Variants in FHIT observed in about 807,000 individuals in gnomAD.
FHIT encodes the protein bis(5'-adenosyl)-triphosphatase.
FHIT carries 19 observed loss-of-function variants against 17.9 expected under a neutral mutation model. The ratio of observed to expected loss-of-function variants is 1.06; its 90% CI spans 0.74 to 1.56. The LOEUF is 1.56. FHIT is among the 40% of genes most tolerant of loss of function. The probability of loss-of-function intolerance (pLI) is 0.00; values close to 1 mark genes in which losing one functional copy is unlikely to be tolerated. For synonymous variants in FHIT, 81 were observed against 69.7 expected (o/e 1.16, Z -0.81); for missense variants, 248 against 189.2 (o/e 1.31, Z -1.82).
At chr3:60,394,757 C>A (rs1056992206) in intron 5 of FHIT, among the ~76,000 whole-genome samples, 3 of 152,160 alleles carry the variant, frequency 2.0e-5, no homozygotes, top group African/African-American at 7.2e-5. Flanking sequence ...AAGGTCTCCA[C>A]GAACATTAAC....
At chr3:61,111,381 T>A (rs1333391399) in intron 2 of FHIT, among the ~76,000 whole-genome samples, 4 of 152,120 alleles carry the variant, frequency 2.6e-5, no homozygotes, top group African/African-American at 9.7e-5. Context: ...AAAACATTAA[T>A]CACTGGAAAT....
At chr3:59,995,555 T>C (rs112883196) in intron 7 of FHIT, among the ~76,000 whole-genome samples, 223 of 152,250 alleles carry the variant, frequency 1.5e-3, no homozygotes, top group African/African-American at 4.9e-3. Flanking sequence ...ATTTCAGCTA[T>C]GATGGTAATA....
chr3:59,873,297 G>A (rs1703004105), intron 8 of FHIT, among the ~76,000 whole-genome samples: 1 of 152,138 alleles, frequency 6.6e-6, no homozygotes, highest in Admixed American at 6.6e-5. Flanking sequence ...ATATTTTCTG[G>A]ATGGATGGAT....
intron 3 of FHIT, among the ~76,000 whole-genome samples, chr3:60,965,122 G>C (rs1415831325): frequency 6.6e-6 from 1 of 152,080 alleles, no homozygotes; most frequent in African/African-American, 2.4e-5. Context: ...TGGAGGCTTT[G>C]TTCATTTCTT....
At chr3:60,227,854 T>C (rs917088952) in intron 5 of FHIT, among the ~76,000 whole-genome samples, 1 of 152,190 alleles carries the variant, frequency 6.6e-6, no homozygotes, top group Admixed American at 6.5e-5. Context: ...AGAGCTGATT[T>C]GGGGTTAATT....
intron 3 of FHIT, among the ~76,000 whole-genome samples, chr3:60,930,526 C>T (rs147569597): frequency 0.26 from 39,734 of 151,960 alleles, 5,329 homozygotes; most frequent in Middle Eastern, 0.34. Flanking sequence ...CAAGAAAAAA[C>T]AAACAACCCC....
chr3:60,120,235 T>C (rs1705186850), intron 5 of FHIT, among the ~76,000 whole-genome samples: 1 of 152,216 alleles, frequency 6.6e-6, no homozygotes, highest in Non-Finnish European at 1.5e-5. Context: ...GTAAACTCTC[T>C]GGCAGCAGAA....
chr3:60,328,822 A>C (rs1709826944), intron 5 of FHIT, among the ~76,000 whole-genome samples: 1 of 152,216 alleles, frequency 6.6e-6, no homozygotes, highest in Admixed American at 6.5e-5. Flanking sequence ...TTTCCCACCC[A>C]GGTCACAGTC....
chr3:60,190,815 C>T (rs1702369642), intron 5 of FHIT, among the ~76,000 whole-genome samples: 2 of 151,918 alleles, frequency 1.3e-5, no homozygotes, highest in Non-Finnish European at 2.9e-5. Context: ...TGGTAGTGCA[C>T]ACGTGTAGTC....
At chr3:60,719,232 C>A (rs2041755623) in intron 4 of FHIT, among the ~76,000 whole-genome samples, 1 of 152,164 alleles carries the variant, frequency 6.6e-6, no homozygotes, top group South Asian at 2.1e-4. Context: ...AATAAACCAT[C>A]TCTATTACTT....
chr3:60,400,846 T>C (rs1576599381), intron 5 of FHIT, among the ~76,000 whole-genome samples: 1 of 152,172 alleles, frequency 6.6e-6, no homozygotes, highest in East Asian at 1.9e-4. Context: ...TCAAAGTCTC[T>C]AAAAAACAAA....
intron 4 of FHIT, among the ~76,000 whole-genome samples, chr3:60,761,536 T>G (rs545004236): frequency 6.6e-6 from 1 of 152,060 alleles, no homozygotes; most frequent in Non-Finnish European, 1.5e-5. Context: ...ACCCTTTGAA[T>G]GTCTGATTTG....
chr3:60,916,256 T>C (rs1360419787), intron 3 of FHIT, among the ~76,000 whole-genome samples: 1 of 152,212 alleles, frequency 6.6e-6, no homozygotes, highest in African/African-American at 2.4e-5. Context: ...TGCATGACTA[T>C]AGTTCTAAAA....
chr3:60,791,539 T>C (rs1700776070), intron 4 of FHIT, among the ~76,000 whole-genome samples: 1 of 152,202 alleles, frequency 6.6e-6, no homozygotes, highest in East Asian at 1.9e-4. Context: ...AGTACTCTGT[T>C]AGAACATGCA....
At chr3:60,519,457 A>T (rs934050816) in intron 5 of FHIT, among the ~76,000 whole-genome samples, 10 of 152,196 alleles carry the variant, frequency 6.6e-5, no homozygotes, top group African/African-American at 2.2e-4. Context: ...GAAAATTCAC[A>T]TGTAACTTAA....
At chr3:59,836,261 C>T (rs148859578) in intron 8 of FHIT, among the ~76,000 whole-genome samples, 5 of 152,278 alleles carry the variant, frequency 3.3e-5, no homozygotes, top group Admixed American at 6.5e-5. Context: ...CTCCTTTGCA[C>T]GATTCCATAC....
chr3:61,132,497 G>A (rs1387584868), intron 2 of FHIT, among the ~76,000 whole-genome samples: 5 of 152,208 alleles, frequency 3.3e-5, no homozygotes, highest in Non-Finnish European at 7.3e-5. Flanking sequence ...AAATGGATGG[G>A]AGCTCTATGA....
intron 8 of FHIT, among the ~76,000 whole-genome samples, chr3:59,822,171 T>C (rs1700815881): frequency 1.3e-5 from 2 of 152,232 alleles, no homozygotes; most frequent in South Asian, 4.1e-4. Context: ...TGTATACATA[T>C]ACCACAATTT....
chr3:60,325,567 A>C (rs954075290), intron 5 of FHIT, among the ~76,000 whole-genome samples: 56 of 152,244 alleles, frequency 3.7e-4, no homozygotes, highest in Non-Finnish European at 6.0e-4. Flanking sequence ...ACTCTTCTCT[A>C]AATTTATTCT....
Sources: gnomAD v4.1 joint callset for allele counts (sites outside exome capture counted in the v4.1 genomes callset) on GRCh38, gnomAD v4.1.1 for gene constraint, MANE v1.5 for transcripts, NCBI Gene and HGNC (gene_info 2026-07-23, HGNC 2026-07-21) for gene names.